RB1: variants seen among roughly 807,000 people sequenced by gnomAD.
RB1 encodes RB transcriptional corepressor 1, also known as retinoblastoma-associated protein.
In RB1, 18 loss-of-function variants were observed where a neutral mutation model predicts 135.4. The observed-to-expected ratio is 0.13, with a 90% CI of 0.09 to 0.20. RB1 has a LOEUF of 0.20. Among genes scored for constraint, RB1 ranks in the 10% least tolerant of loss-of-function variants. RB1 has a pLI of 1.00. For synonymous variants in RB1, 365 were observed against 373.2 expected, an observed-to-expected ratio of 0.98 and a Z score of 0.25; for missense variants, 868 against 1,110.0, an observed-to-expected ratio of 0.78 and a Z score of 3.10.
chr13:48,431,108 A>T (rs1949125215), intron 17 of RB1, among the ~76,000 whole-genome samples: 1 of 148,796 alleles, frequency 6.7e-6, no homozygotes, highest in African/African-American at 2.4e-5. Flanking sequence ...GTTAAATGAC[A>T]AATTATGGAA....
intron 13 of RB1, 151 bp from the exon 14 acceptor site, chr13:48,379,443 G>A: frequency 2.0e-6 from 2 of 1,006,714 alleles, no homozygotes; most frequent in Non-Finnish European, 2.9e-6. Context: ...CCAGCCTCTT[G>A]GGAGGCCAAA....
Position 48,342,598 on chromosome 13 carries a change from G to GGGA in RB1, c.267_269dup (p.Gly90dup). On this transcript the variant is annotated inframe_insertion and splice_region_variant. Transcript: ENST00000267163. ...ATTTGATCTTTATTTTTTGTTCCCAGGGAGGTTATATTCAAAAGAAAAAGG... is the reference window on the plus strand; with the variant it reads ...ATTTGATCTTTATTTTTTGTTCCCAGGGAGGAGGTTATATTCAAAAGAAAAAGG... 6.4e-7 allele frequency: 1 copy of GGGA among 1,557,712 alleles called. No homozygotes were observed. Among genetic ancestry groups the GGGA allele is most frequent in the Non-Finnish European group, 8.9e-7 (1 of 1,129,530 alleles).
intron 4 of RB1, among the ~76,000 whole-genome samples, chr13:48,345,481 A>G (rs1196401523): frequency 6.6e-6 from 1 of 152,160 alleles, no homozygotes; most frequent in Non-Finnish European, 1.5e-5. Flanking sequence ...TTTGCCAGAA[A>G]ACTTCTAGTT....
intron 2 of RB1, among the ~76,000 whole-genome samples, chr13:48,342,087 C>T (rs1295135950): frequency 6.6e-6 from 1 of 151,772 alleles, no homozygotes; most frequent in Non-Finnish European, 1.5e-5. Context: ...AAATGGGGTA[C>T]ATATTCTTAT....
intron 10 of RB1, 21 bp downstream of exon 10, chr13:48,367,624 G>T (rs571049658): frequency 1.9e-6 from 3 of 1,596,442 alleles, no homozygotes; most frequent in South Asian, 2.2e-5. Context: ...TGGTATATTT[G>T]ATTGATTTGC....
At chr13:48,415,024 A>C (rs1390395017) in intron 17 of RB1, among the ~76,000 whole-genome samples, 1 of 152,132 alleles carries the variant, frequency 6.6e-6, no homozygotes, top group Non-Finnish European at 1.5e-5. Flanking sequence ...GTATGTTTTA[A>C]AAAAACAAAA....
chr13:48,392,345 A>G (rs1186287093), intron 17 of RB1, among the ~76,000 whole-genome samples: 1 of 152,082 alleles, frequency 6.6e-6, no homozygotes, highest in African/African-American at 2.4e-5. Flanking sequence ...TCCTGATCTC[A>G]GGTGACCCAC....
Position 48,480,178 on chromosome 13 carries a change from C to G in RB1, c.*107C>G. 1.1e-6 allele frequency: 1 copy of G among 904,258 alleles called. No individual in the cohort carries two copies. Among genetic ancestry groups the G allele is most frequent in the East Asian group, 2.6e-5 (1 of 38,080 alleles). The allele number at this position is 904,258 out of a possible 1,614,324, so 56.0% of individuals were successfully genotyped here. ...TTCTGTTTATGGCCACATTTAATAT[C>G]TTCAGCTCTTTTTGTGGATATAAAA... is the stretch of plus-strand genomic sequence containing the variant. On this transcript the variant is annotated 3_prime_UTR_variant, in exon 27 of 27. Coordinates refer to ENST00000267163, the MANE Select transcript of RB1 (RefSeq NM_000321.3).
intron 17 of RB1, among the ~76,000 whole-genome samples, chr13:48,396,572 AG>A (rs1231498851): frequency 1.3e-5 from 2 of 152,248 alleles, no homozygotes; most frequent in African/African-American, 4.8e-5. Flanking sequence ...AATACCATTC[AG>A]GACATAGGCA....
intron 17 of RB1, among the ~76,000 whole-genome samples, chr13:48,385,678 C>T (rs970059011): frequency 2.0e-5 from 3 of 152,150 alleles, no homozygotes; most frequent in Non-Finnish European, 2.9e-5. Context: ...GTGTCACAGA[C>T]TCAGAGCAGC....
rs997054125 is a variant in RB1 at position 48,319,197 on chromosome 13, G to T, written c.264+11791G>T. 2.7e-5 allele frequency: 18 copies of T among 662,652 alleles called. No homozygotes were observed. Among genetic ancestry groups the T allele is most frequent in the Non-Finnish European group, 3.9e-5 (16 of 407,780 alleles). 41.0% of individuals were successfully genotyped at this position (662,652 alleles called of 1,614,324 possible). On this transcript the variant is annotated intron_variant, in intron 2 of 26. Transcript: ENST00000267163. The surrounding 1 kb of genome is among the most constrained non-coding windows in gnomAD (Gnocchi z 5.0). ...CCCCGGGCAAGGGTCTGTGGCCTTG[G>T]TGGCCACTGGCTTCCTCTAGCTGGG...
chr13:48,376,725 G>T (rs1042825306), intron 12 of RB1, among the ~76,000 whole-genome samples, 193 bp from the exon 13 acceptor site: 4 of 152,044 alleles, frequency 2.6e-5, no homozygotes, highest in African/African-American at 7.2e-5. Flanking sequence ...TTGTACTGTA[G>T]TATTTTTTGC....
At position 48,356,956 on chromosome 13, in the gene RB1, A is replaced by G. The variant is rs116415321; in HGVS notation, c.608-3061A>G. 6.5e-3 allele frequency among the ~76,000 whole-genome samples: 994 copies of G among 152,128 alleles called. 15 individuals carry two copies. The highest frequency in any genetic ancestry group is 0.023 in the African/African-American group (947 of 41,536). The stretch of plus-strand genomic sequence containing the variant: ...CTCAGGACAATATTTTCTGGCATTG[A>G]ACATTGCTGTTGAGAAAGCTGAGAC... On this transcript the variant is annotated intron_variant, in intron 6 of 26. Coordinates refer to ENST00000267163, the MANE Select transcript of RB1 (RefSeq NM_000321.3).
At chr13:48,456,123 G>A (rs962708811) in intron 18 of RB1, 81 bp from the exon 19 acceptor site, 1 of 1,587,588 alleles carries the variant, frequency 6.3e-7, no homozygotes, top group Admixed American at 1.8e-5. Context: ...GATGTATCTG[G>A]GTGTACAACC....
At chr13:48,348,925 G>GTT in intron 5 of RB1, 31 bp from the exon 6 acceptor site, 1 of 1,585,280 alleles carries the variant, frequency 6.3e-7, no homozygotes, top group Non-Finnish European at 8.6e-7. Context: ...CATTTTTCCT[G>GTT]TTTTTTTTCT....
rs919345517 is a variant in RB1 at position 48,342,625 on chromosome 13, A to G, written c.291A>G (p.Glu97=). Residue 97 remains glutamate (E), a synonymous_variant, in exon 3 of 27, where the codon GAA becomes GAG. Coordinates refer to ENST00000267163, the MANE Select transcript of RB1 (RefSeq NM_000321.3). ...GAGGTTATATTCAAAAGAAAAAGGA[A>G]CTGTGGGGAATCTGTATCTTTATTG... The part of the protein sequence containing the change: ...VLGGYIQKKK[E]LWGICIFIAA... 3.7e-6 allele frequency: 6 copies of G among 1,611,292 alleles called. No individual in the cohort carries two copies. Among genetic ancestry groups the G allele is most frequent in the Middle Eastern group, 3.3e-4 (2 of 6,010 alleles).
intron 17 of RB1, among the ~76,000 whole-genome samples, chr13:48,429,970 A>G (rs529760527): frequency 1.3e-5 from 2 of 152,370 alleles, no homozygotes; most frequent in Admixed American, 1.3e-4. Flanking sequence ...CTATACATTT[A>G]ATGCCAATCC....
chr13:48,354,049 C>T (rs1480466381), intron 6 of RB1, among the ~76,000 whole-genome samples: 1 of 152,080 alleles, frequency 6.6e-6, no homozygotes, highest in East Asian at 1.9e-4. Context: ...TGTCCATTGT[C>T]ATCACTGTTA....
chr13:48,364,918 T>G lies in RB1; in HGVS notation c.886T>G (p.Phe296Val). ...DEVKNVYFKN[F>V]IPFMNSLGLV... ...GGTGAAAAATGTTTATTTCAAAAAT[T>G]TTATACCTTTTATGAATTCTCTTGG... Residue 296 changes from phenylalanine to valine, a missense_variant, in exon 9 of 27, where the codon TTT (phenylalanine) becomes GTT (valine). By Grantham distance (50) the Phe-to-Val change is conservative. This residue lies in a region of RB1 where 641 missense variants were observed against 791.3 expected (regional missense o/e 0.81). Transcript: ENST00000267163. 1 of 1,563,832 alleles carries G rather than the reference T, an allele frequency of 6.4e-7. No individual in the cohort carries two copies. Among genetic ancestry groups the G allele is most frequent in the Non-Finnish European group, 8.7e-7 (1 of 1,150,522 alleles).
Sources: gnomAD v4.1 joint callset for allele counts (sites outside exome capture counted in the v4.1 genomes callset) on GRCh38, gnomAD v4.1.1 for gene constraint, gnomAD v4.1.1 regional missense constraint, Gnocchi (gnomAD v3.1) non-coding constraint, MANE v1.5 for transcripts, NCBI Gene and HGNC (gene_info 2026-07-23, HGNC 2026-07-21) for gene names.